The following PHLDB2 variants were observed in gnomAD, a reference collection of about 807,000 sequenced individuals.
The protein encoded by PHLDB2 is pleckstrin homology-like domain family B member 2.
PHLDB2 carries 71 observed loss-of-function variants against 123.6 expected under a neutral mutation model. The observed-to-expected ratio is 0.57, with a 90% CI of 0.47 to 0.70. PHLDB2 has a LOEUF of 0.70. Ranked by LOEUF, PHLDB2 falls within the 30% of genes least tolerant of loss-of-function variation. PHLDB2 has a pLI of 0.00. For missense variants in PHLDB2, 1,446 were observed against 1,519.5 expected (o/e 0.95, Z 0.80); for synonymous variants, 547 against 541.6 (o/e 1.01, Z -0.14).
At chr3:111,878,120 T>G (rs1299372090) in intron 1 of PHLDB2, among the ~76,000 whole-genome samples, 2 of 152,360 alleles carry the variant, frequency 1.3e-5, no homozygotes, top group Admixed American at 6.5e-5. Flanking sequence ...GGAATAGCAT[T>G]GAATCTATAA....
At chr3:111,775,555 T>G (rs1020696047) in intron 1 of PHLDB2, among the ~76,000 whole-genome samples, 1 of 152,146 alleles carries the variant, frequency 6.6e-6, no homozygotes, top group African/African-American at 2.4e-5. Flanking sequence ...TCAATTCAGA[T>G]TTTTGGTCAT....
chr3:111,913,920 G>A, intron 3 of PHLDB2: 1 of 578,630 alleles, frequency 1.7e-6, no homozygotes. Context: ...CAGAAGAGTA[G>A]AAAGAAAGCA....
At chr3:111,939,339 GTGTTA>G in intron 6 of PHLDB2, 131 bp from the exon 7 acceptor site, 1 of 807,584 alleles carries the variant, frequency 1.2e-6, no homozygotes, top group Middle Eastern at 3.4e-4. Context: ...CCAAAAGATA[GTGTTA>G]TGTTCTAACC....
chr3:111,844,139 C>A (rs1000987045), intron 1 of PHLDB2, among the ~76,000 whole-genome samples: 4 of 152,174 alleles, frequency 2.6e-5, no homozygotes, highest in Non-Finnish European at 5.9e-5. Flanking sequence ...TCTCTATTCT[C>A]CCAGGACATT....
At chr3:111,895,516 C>T (rs1485820581) in intron 2 of PHLDB2, among the ~76,000 whole-genome samples, 2 of 152,052 alleles carry the variant, frequency 1.3e-5, no homozygotes, top group Non-Finnish European at 2.9e-5. Context: ...GAAATATAAA[C>T]TAAATAAAAA....
chr3:111,958,721 G>T (rs2071206436), intron 12 of PHLDB2: 1 of 455,650 alleles, frequency 2.2e-6, no homozygotes, highest in Admixed American at 2.4e-5. Context: ...CATTTTCAAG[G>T]CCCTTTTTAC....
At chr3:111,800,333 G>C (rs1173225036) in intron 1 of PHLDB2, among the ~76,000 whole-genome samples, 1 of 152,116 alleles carries the variant, frequency 6.6e-6, no homozygotes, top group Non-Finnish European at 1.5e-5. Context: ...CATATCTTTG[G>C]AAAATGAGAC....
At position 111,962,330 on chromosome 3, in the gene PHLDB2, G is replaced by T. The variant is rs1359009804; in HGVS notation, c.3077+18G>T. The T allele has an allele frequency of 3.1e-6, 5 of 1,589,638 alleles. No individual in the cohort carries two copies. The highest frequency in any genetic ancestry group is 1.2e-5 in the South Asian group (1 of 85,664). ...ATCTCTAGGTAAGATTTATTTATGG[G>T]TAAGGTTTCTGGTTTGGAAAAGAGC... On this transcript the variant is annotated intron_variant, in intron 13 of 17. Coordinates refer to ENST00000431670, the MANE Select transcript of PHLDB2 (RefSeq NM_001134438.2).
At chr3:111,802,293 C>T (rs538028728) in intron 1 of PHLDB2, among the ~76,000 whole-genome samples, 40 of 152,276 alleles carry the variant, frequency 2.6e-4, no homozygotes, top group Non-Finnish European at 4.6e-4. Context: ...CTGCATTCTG[C>T]CTCCAGAGGA....
intron 5 of PHLDB2, among the ~76,000 whole-genome samples, chr3:111,930,408 G>T (rs1577112470): frequency 6.6e-6 from 1 of 151,746 alleles, no homozygotes; most frequent in African/African-American, 2.4e-5. Context: ...ATAATGAGTA[G>T]TCTTCTTTTT....
intron 1 of PHLDB2, among the ~76,000 whole-genome samples, chr3:111,804,535 C>T (rs2061498876): frequency 6.6e-6 from 1 of 152,190 alleles, no homozygotes; most frequent in African/African-American, 2.4e-5. Flanking sequence ...GTTTTCTACG[C>T]AGAGTATAAG....
rs1469676986 is a variant in PHLDB2, at chr3:111,974,545, C to T, written c.3744C>T (p.Tyr1248=). ...TTATAGTTACGGGGGCAGAAGGTTA[C>T]ACTCACTTCTTGTTGTAGTGAACTG... ...MDVIVTGAEG[Y]THFLL is the part of the protein sequence containing the mutation. The change falls in exon 18 of 18, where the codon TAC becomes TAT. Residue 1248 remains tyrosine, a synonymous_variant. Coordinates refer to ENST00000431670, the MANE Select transcript of PHLDB2 (RefSeq NM_001134438.2). The T allele has an allele frequency of 6.2e-7, 1 of 1,612,606 alleles. No homozygotes were observed. Among genetic ancestry groups the T allele is most frequent in the Admixed American group, 1.7e-5 (1 of 59,832 alleles).
chr3:111,867,537 T>C lies in PHLDB2; in HGVS notation c.-15+7961T>C, dbSNP rs188208215. Among the ~76,000 whole-genome samples, 97 of 152,302 alleles carry C rather than the reference T, an allele frequency of 6.4e-4. 1 individual carries two copies. In the East Asian group the frequency reaches 0.019, roughly 29 times the overall value. The stretch of plus-strand genomic sequence containing the variant: ...CTTTACCCTAAAACATGGATTGTTA[T>C]AAAGCAGATTCCAAACATCATCATA... On this transcript the variant is annotated intron_variant, in intron 1 of 17. Coordinates refer to ENST00000431670, the MANE Select transcript of PHLDB2 (RefSeq NM_001134438.2).
In PHLDB2 at chr3:111,966,646, A is replaced by G. The variant is rs2071788785; in HGVS notation, c.3111A>G (p.Glu1037=). Residue 1037 remains glutamate (E), a synonymous_variant, in exon 14 of 18, where the codon GAA becomes GAG. Coordinates refer to ENST00000431670, the MANE Select transcript of PHLDB2 (RefSeq NM_001134438.2). The part of the protein sequence containing the change: ...ASTSNIARIE[E]MERLLKQAHA... ...CTTCAAATATTGCTAGAATAGAAGA[A>G]ATGGAGAGACTTTTGAAGCAGGCTC... The G allele has an allele frequency of 1.2e-6, 2 of 1,613,380 alleles. No homozygotes were observed. The highest frequency in any genetic ancestry group is 2.7e-5 in the African/African-American group (2 of 74,808).
At chr3:111,856,302 T>G (rs1263643901), upstream of PHLDB2, among the ~76,000 whole-genome samples, 3 of 152,182 alleles carry the variant, frequency 2.0e-5, no homozygotes, top group South Asian at 4.1e-4. Context: ...ACATTCATAC[T>G]TAGAAAAGAG....
intron 1 of PHLDB2, among the ~76,000 whole-genome samples, chr3:111,870,183 A>G (rs565702664): frequency 2.2e-4 from 34 of 152,338 alleles, no homozygotes; most frequent in African/African-American, 8.2e-4. Context: ...GACAGTGGGA[A>G]GGTCCAGGGT....
At position 111,939,554 on chromosome 3, in the gene PHLDB2, A is replaced by G. The variant is rs1468814111; in HGVS notation, c.2210A>G (p.Asp737Gly). ...FQQLEHESRL[D>G]EEKENLTQQL... ...CAGCTTGAACATGAGAGCCGTCTAG[A>G]TGAAGAAAAGGAGAACTTGACTCAA... The change falls in exon 7 of 18, where the codon GAT becomes GGT. Residue 737 changes from aspartate (D) to glycine (G), a missense_variant. This residue lies in a region of PHLDB2 where 594 missense variants were observed against 646.0 expected (regional missense o/e 0.92). Coordinates refer to ENST00000431670, the MANE Select transcript of PHLDB2 (RefSeq NM_001134438.2). 1.2e-6 allele frequency: 2 copies of G among 1,613,978 alleles called. No individual in the cohort carries two copies. Among genetic ancestry groups the G allele is most frequent in the East Asian group, 4.5e-5 (2 of 44,880 alleles).
intron 10 of PHLDB2, chr3:111,949,554 A>G (rs539341603): frequency 1.3e-5 from 4 of 310,516 alleles, no homozygotes; most frequent in East Asian, 1.7e-4. Flanking sequence ...TGGGATTTTA[A>G]TAAGAGGCTA....
At chr3:111,835,657 CTT>C (rs576390304) in intron 1 of PHLDB2, among the ~76,000 whole-genome samples, 10 of 152,184 alleles carry the variant, frequency 6.6e-5, no homozygotes, top group Middle Eastern at 3.2e-3. Context: ...CTTGTCTCTG[CTT>C]CACTCAGCAT....
Sources: gnomAD v4.1 joint callset for allele counts (sites outside exome capture counted in the v4.1 genomes callset) on GRCh38, gnomAD v4.1.1 for gene constraint, gnomAD v4.1.1 regional missense constraint, MANE v1.5 for transcripts, NCBI Gene and HGNC (gene_info 2026-07-23, HGNC 2026-07-21) for gene names.